Variants in APOL2 observed in about 807,000 individuals in gnomAD.
APOL2 encodes the protein apolipoprotein L, 2.
Under a neutral mutation model 7.1 loss-of-function variants are expected in APOL2, and 8 were observed. The ratio of observed to expected loss-of-function variants is 1.12; its 90% CI spans 0.66 to 2.03. The LOEUF (loss-of-function observed/expected upper bound fraction) is 2.03, where lower values mean the gene tolerates loss of function less well. Ranked by LOEUF, APOL2 falls within the 30% of genes most tolerant of loss-of-function variation. The probability of loss-of-function intolerance (pLI) is 0.00; values close to 1 mark genes in which losing one functional copy is unlikely to be tolerated. For synonymous variants in APOL2, 177 were observed against 159.9 expected (o/e 1.11, Z -0.81); for missense variants, 471 against 415.1 (o/e 1.13, Z -1.17).
intron 3 of APOL2, among the ~76,000 whole-genome samples, chr22:36,232,623 C>G (rs73165551): frequency 0.011 from 1,742 of 152,250 alleles, 10 homozygotes; most frequent in Non-Finnish European, 0.019. Context: ...TTGGAAAAGG[C>G]CAGACCGGGG....
chr22:36,227,996 G>T lies in APOL2; in HGVS notation c.422C>A (p.Thr141Lys), dbSNP rs778717123. 5.6e-6 allele frequency: 9 copies of T among 1,614,234 alleles called. No homozygotes were observed. The highest frequency in any genetic ancestry group is 4.4e-5 in the South Asian group (4 of 91,082). Residue 141 changes from threonine to lysine, a missense_variant, in exon 5 of 5, where the codon ACA becomes AAA. Physicochemically the swap from Thr to Lys is moderately conservative, Grantham distance 78 (BLOSUM62 -1). Transcript: ENST00000358502. Reference sequence around the variant, plus strand: ...CAAGAGCACAAAACTGATTCCTTCTGTGAAGGGTGCCAGACCCAGGCCGAG... The same window carrying T: ...CAAGAGCACAAAACTGATTCCTTCTTTGAAGGGTGCCAGACCCAGGCCGAG... The part of the protein sequence containing the change: ...TLLGLGLAPF[T>K]EGISFVLLDT...
chr22:36,227,560 C>A lies in APOL2; in HGVS notation c.858G>T (p.Leu286=). The change falls in exon 5 of 5, where the codon CTG becomes CTT. Residue 286 remains leucine (L), a synonymous_variant. Transcript: ENST00000358502. ...GAATGGILLL[L]DVVSLAYESK... is the part of the protein sequence containing the mutation. ...ACTCATATGCAAGGCTGACCACATCCAGCAGAAGCAAGATGCCTCCAGTGG... is the reference window on the plus strand; with the variant it reads ...ACTCATATGCAAGGCTGACCACATCAAGCAGAAGCAAGATGCCTCCAGTGG... The A allele has an allele frequency of 6.2e-7, 1 of 1,614,244 alleles. No individual in the cohort carries two copies. The highest frequency in any genetic ancestry group is 8.5e-7 in the Non-Finnish European group (1 of 1,180,042).
chr22:36,230,047 G>C (rs888693848), intron 4 of APOL2, among the ~76,000 whole-genome samples: 6 of 152,350 alleles, frequency 3.9e-5, no homozygotes, highest in East Asian at 1.9e-4. Flanking sequence ...TGTGTGCACA[G>C]CAAGGCCATG....
At chr22:36,235,755 GGGTGTGTGTGT>G (rs2015382187) in intron 1 of APOL2, among the ~76,000 whole-genome samples, 1 of 99,036 alleles carries the variant, frequency 1.0e-5, no homozygotes. Context: ...GTGGGTGGGT[GGGTGTGTGTGT>G]GTGTGTGTGT....
rs749748730 is a variant in APOL2, at chr22:36,228,025, G to A, written c.393C>T (p.Thr131=). 2 of 1,614,094 alleles carry A rather than the reference G, an allele frequency of 1.2e-6. No homozygotes were observed. The highest frequency in any genetic ancestry group is 2.7e-5 in the African/African-American group (2 of 74,920). ...NSVGTTSGIL[T]LLGLGLAPFT... is the part of the protein sequence containing the mutation. ...AGGGTGCCAGACCCAGGCCGAGGAG[G>A]GTCAGGATGCCAGAGGTAGTGCCAA... is the stretch of plus-strand genomic sequence containing the variant. The change falls in exon 5 of 5, where the codon ACC becomes ACT. Residue 131 remains threonine, a synonymous_variant. Transcript: ENST00000358502.
chr22:36,239,167 G>A, intron 1 of APOL2: 1 of 1,242,874 alleles, frequency 8.0e-7, no homozygotes, highest in Non-Finnish European at 1.0e-6. Flanking sequence ...CCGTGTCTGA[G>A]GGTGTCAGAA....
intron 4 of APOL2, among the ~76,000 whole-genome samples, chr22:36,230,044 A>G (rs2015162949): frequency 6.6e-6 from 1 of 152,248 alleles, no homozygotes; most frequent in Non-Finnish European, 1.5e-5. Context: ...ACCTGTGTGC[A>G]CAGCAAGGCC....
At chr22:36,237,683 T>C (rs2015456472) in intron 1 of APOL2, among the ~76,000 whole-genome samples, 1 of 152,134 alleles carries the variant, frequency 6.6e-6, no homozygotes, top group Admixed American at 6.6e-5. Context: ...CAGCACTGAA[T>C]TACAGGCCTC....
intron 1 of APOL2, among the ~76,000 whole-genome samples, chr22:36,235,569 A>G (rs1462973520): frequency 6.6e-6 from 1 of 152,208 alleles, no homozygotes; most frequent in Non-Finnish European, 1.5e-5. Context: ...GTGATGATCA[A>G]ATAAACAAGT....
chr22:36,233,329 C>T, intron 2 of APOL2, 73 bp downstream of exon 2: 3 of 1,590,056 alleles, frequency 1.9e-6, no homozygotes, highest in Non-Finnish European at 2.6e-6. Context: ...TTGCAGATCC[C>T]TCTGTGGTAG....
rs774197914 is a variant in APOL2 at position 36,239,445 on chromosome 22, GGATCTTCCTCT to G, written c.-149_-139del. The G allele has an allele frequency of 2.9e-5, 44 of 1,520,242 alleles. No individual in the cohort carries two copies. In the African/African-American group the frequency reaches 9.3e-4, roughly 32 times the overall value. 94.2% of individuals were successfully genotyped at this position (1,520,242 alleles called of 1,614,324 possible). ...ATCACACTATCCCCAACTTACCAAG[GGATCTTCCTCT>G]GACAGAGACTGAGCAAGATCCAACT... On this transcript the variant is annotated 5_prime_UTR_variant, in exon 1 of 5. It introduces an in-frame stop codon into an upstream open reading frame of the 5' UTR. Transcript: ENST00000358502.
chr22:36,235,297 G>A (rs773541370), intron 1 of APOL2, among the ~76,000 whole-genome samples: 14 of 152,198 alleles, frequency 9.2e-5, no homozygotes, highest in Non-Finnish European at 1.6e-4. Context: ...CTACAGGGAA[G>A]ACTGCCAGTA....
At chr22:36,229,635 C>T (rs188589061) in intron 4 of APOL2, among the ~76,000 whole-genome samples, 10 of 152,312 alleles carry the variant, frequency 6.6e-5, no homozygotes, top group East Asian at 5.8e-4. Context: ...CAGTGAGTTA[C>T]GTGAGTCCTT....
chr22:36,236,819 G>T, intron 1 of APOL2: 5 of 536,790 alleles, frequency 9.3e-6, no homozygotes, highest in Non-Finnish European at 1.2e-5. Context: ...AAGACTAAAA[G>T]GGGGACCCAG....
chr22:36,235,319 C>G lies in APOL2; in HGVS notation c.-133-1864G>C, dbSNP rs531422229. Among the ~76,000 whole-genome samples the G allele has an allele frequency of 4.6e-5, 7 of 152,290 alleles. No homozygotes were observed. The East Asian group carries it at 5.8e-4, about 13-fold the overall frequency. ...GAAGACTGCCAGTAGACCTGCCCCC[C>G]ACCCCGTTCAATATGAATAGATCTA... On this transcript the variant is annotated intron_variant, in intron 1 of 4. Coordinates refer to ENST00000358502, the MANE Select transcript of APOL2 (RefSeq NM_030882.4).
At chr22:36,236,444 C>G (rs141423666) in intron 1 of APOL2, among the ~76,000 whole-genome samples, 8 of 152,050 alleles carry the variant, frequency 5.3e-5, no homozygotes, top group East Asian at 1.9e-4. Flanking sequence ...ACTGGTGATA[C>G]AATATTAGGA....
In APOL2 at chr22:36,227,857, G is replaced by A. The variant is rs374751541; in HGVS notation, c.561C>T (p.Ser187=). 45 of 1,614,062 alleles carry A rather than the reference G, an allele frequency of 2.8e-5. 1 individual carries two copies. In the Middle Eastern group the frequency reaches 4.9e-4, roughly 18 times the overall value. The change falls in exon 5 of 5, where the codon AGC becomes AGT. Residue 187 remains serine (S), a synonymous_variant. Coordinates refer to ENST00000358502, the MANE Select transcript of APOL2 (RefSeq NM_030882.4). ...TCATCACCTTTGCTACATTGGTGCC[G>A]CTTTGGTCCAAGTTGCGGGCTTGGG... ...ARAQARNLDQ[S]GTNVAKVMKE... is the part of the protein sequence containing the mutation.
Position 36,239,186 on chromosome 22 carries a change from G to A in APOL2, c.-134+255C>T. On this transcript the variant is annotated intron_variant, in intron 1 of 4. Coordinates refer to ENST00000358502, the MANE Select transcript of APOL2 (RefSeq NM_030882.4). ...GTCTGAGGGTGTCAGAACCAGAGCTGAGCCCGGGGAGCTTTGTGAACCCAT... is the reference window on the plus strand; with the variant it reads ...GTCTGAGGGTGTCAGAACCAGAGCTAAGCCCGGGGAGCTTTGTGAACCCAT... 3.2e-6 allele frequency: 4 copies of A among 1,267,428 alleles called. No homozygotes were observed. The South Asian group carries it at 7.5e-5, about 24-fold the overall frequency. 78.5% of individuals were successfully genotyped at this position (1,267,428 alleles called of 1,614,324 possible). A position where few individuals can be genotyped will look rare whatever the true frequency, so the allele number is the denominator to read the frequency against.
intron 1 of APOL2, 45 bp from the exon 2 acceptor site, chr22:36,233,500 C>T (rs1165976669): frequency 9.3e-6 from 14 of 1,501,074 alleles, no homozygotes; most frequent in Non-Finnish European, 1.0e-5. Flanking sequence ...GGGCAGCCAT[C>T]TGATCATTAC....
Sources: gnomAD v4.1 joint callset for allele counts (sites outside exome capture counted in the v4.1 genomes callset) on GRCh38, gnomAD v4.1.1 for gene constraint, MANE v1.5 for transcripts, NCBI Gene and HGNC (gene_info 2026-07-23, HGNC 2026-07-21) for gene names.